Variants in SLITRK1 observed in about 807,000 individuals in gnomAD.
SLITRK1 encodes SLIT and NTRK like family member 1.
In SLITRK1, 10 loss-of-function variants were observed where a neutral mutation model predicts 42.4. That is an observed-to-expected ratio of 0.24 (90% CI 0.15 to 0.40). The LOEUF is 0.40. Among genes scored for constraint, SLITRK1 ranks in the 10% least tolerant of loss-of-function variants. SLITRK1 has a pLI of 1.00. For synonymous variants in SLITRK1, 389 were observed against 365.7 expected, an observed-to-expected ratio of 1.06 and a Z score of -0.73; for missense variants, 778 against 848.8, an observed-to-expected ratio of 0.92 and a Z score of 1.04.
Position 83,877,649 on chromosome 13 carries a change from G to A in SLITRK1, c.*1768C>T, listed in dbSNP as rs1425393366. On this transcript the variant is annotated 3_prime_UTR_variant, in exon 2 of 2. Coordinates refer to ENST00000674365, the MANE Select transcript of SLITRK1 (RefSeq NM_001281503.2). ...GATAATGATTAATTTCCATAAAGAT[G>A]AGTGCTTTAACAAATTTCAATATGC... 1 of 130,170 alleles carries A rather than the reference G, an allele frequency of 7.7e-6. No individual in the cohort carries two copies. Among genetic ancestry groups the A allele is most frequent in the Non-Finnish European group, 1.6e-5 (1 of 63,228 alleles). 8.1% of individuals were successfully genotyped at this position (130,170 alleles called of 1,614,324 possible).
In SLITRK1 at chr13:83,880,343, T is replaced by C. The variant is rs140899296; in HGVS notation, c.1165A>G (p.Ser389Gly). The C allele has an allele frequency of 2.5e-6, 4 of 1,614,024 alleles. No homozygotes were observed. Among genetic ancestry groups the C allele is most frequent in the Admixed American group, 3.3e-5 (2 of 60,016 alleles). Residue 389 changes from serine to glycine, a missense_variant, in exon 2 of 2, where the codon AGC (serine) becomes GGC (glycine). Around this residue, in one of 4 missense-constraint regions of SLITRK1, gnomAD observed 395 missense variants for 360.4 expected, o/e 1.10. Coordinates refer to ENST00000674365, the MANE Select transcript of SLITRK1 (RefSeq NM_001281503.2). ...ELFLRDNKIH[S>G]IRKSHFVDYK... Reference sequence around the variant, plus strand: ...TCCACAAAGTGCGATTTTCGGATGCTGTGGATCTTGTTATCTCGTAGGAAA... The same window carrying C: ...TCCACAAAGTGCGATTTTCGGATGCCGTGGATCTTGTTATCTCGTAGGAAA...
Position 83,879,061 on chromosome 13 carries a change from T to C in SLITRK1, c.*356A>G, listed in dbSNP as rs1176880201. The C allele has an allele frequency of 3.1e-5, 10 of 326,864 alleles. No individual in the cohort carries two copies. The highest frequency in any genetic ancestry group is 2.3e-4 in the South Asian group (8 of 34,116). The allele number at this position is 326,864 out of a possible 1,614,324, so 20.2% of individuals were successfully genotyped here. A position where few individuals can be genotyped will look rare whatever the true frequency, so the allele number is the denominator to read the frequency against. ...ATCTCTCTATATAGATGTGGATATATGTATATATGTATAGAACCGCGGCAT... is the reference window on the plus strand; with the variant it reads ...ATCTCTCTATATAGATGTGGATATACGTATATATGTATAGAACCGCGGCAT... On this transcript the variant is annotated 3_prime_UTR_variant, in exon 2 of 2. Transcript: ENST00000674365.
intron 1 of SLITRK1, chr13:83,881,788 A>T (rs1884821821): frequency 7.2e-6 from 3 of 414,100 alleles, no homozygotes; most frequent in South Asian, 8.9e-5. Flanking sequence ...AAAAAACCCC[A>T]CTCCCCCACA....
rs868341887 is a variant in SLITRK1, at chr13:83,880,668, G to A, written c.840C>T (p.Thr280=). Residue 280 remains threonine, a synonymous_variant, in exon 2 of 2, where the codon ACC becomes ACT. Transcript: ENST00000674365. ...GAGTTGGCAGGGGTCCAGGAGCAAA[G>A]GTCTCTTCTTGGGCAGGGGGCGCCG... is the stretch of plus-strand genomic sequence containing the variant. ...SLPAPPAQEE[T]FAPGPLPTPF... is the part of the protein sequence containing the mutation. 3.1e-6 allele frequency: 5 copies of A among 1,613,990 alleles called. No homozygotes were observed. In the African/African-American group the frequency reaches 6.7e-5, roughly 22 times the overall value.
chr13:83,880,971 G>T lies in SLITRK1; in HGVS notation c.537C>A (p.Ile179=). The change falls in exon 2 of 2, where the codon ATC becomes ATA. Residue 179 remains isoleucine (I), a synonymous_variant. Transcript: ENST00000674365. ...LPANVFQYVP[I]THLDLRGNRL... ...TGTTACCCCGGAGGTCGAGGTGGGTGATGGGCACATACTGGAACACGTTGG... is the reference window on the plus strand; with the variant it reads ...TGTTACCCCGGAGGTCGAGGTGGGTTATGGGCACATACTGGAACACGTTGG... The T allele has an allele frequency of 6.2e-7, 1 of 1,614,110 alleles. No homozygotes were observed. Among genetic ancestry groups the T allele is most frequent in the Non-Finnish European group, 8.5e-7 (1 of 1,180,028 alleles).
rs1884749717 is a variant in SLITRK1, at chr13:83,879,107, G to C, written c.*310C>G. On this transcript the variant is annotated 3_prime_UTR_variant, in exon 2 of 2. Transcript: ENST00000674365. ...GGCATCCAACCCCACAGGCCCCGGG[G>C]CCGAGGGCGAGGGCACTGTCAGTTC... 2.4e-6 allele frequency: 1 copy of C among 423,188 alleles called. No homozygotes were observed. The highest frequency in any genetic ancestry group is 4.4e-6 in the Non-Finnish European group (1 of 225,766). The allele number at this position is 423,188 out of a possible 1,614,324, so 26.2% of individuals were successfully genotyped here.
Position 83,881,069 on chromosome 13 carries a change from G to T in SLITRK1, c.439C>A (p.Pro147Thr). Residue 147 changes from proline to threonine, a missense_variant, in exon 2 of 2, where the codon CCG (proline) becomes ACG (threonine). Transcript: ENST00000674365. Reference sequence around the variant, plus strand: ...TTGTTCAAGTCCTGGAAGGCCCCCGGGTCTATATCTCGTAATAAATTAAAA... The same window carrying T: ...TTGTTCAAGTCCTGGAAGGCCCCCGTGTCTATATCTCGTAATAAATTAAAA... ...ADFNLLRDID[P>T]GAFQDLNKLE... 1 of 1,613,972 alleles carries T rather than the reference G, an allele frequency of 6.2e-7. No homozygotes were observed.
Position 83,880,271 on chromosome 13 carries a change from T to C in SLITRK1, c.1237A>G (p.Thr413Ala), listed in dbSNP as rs1163154809. 1.9e-6 allele frequency: 3 copies of C among 1,614,036 alleles called. No individual in the cohort carries two copies. Among genetic ancestry groups the C allele is most frequent in the Non-Finnish European group, 1.7e-6 (2 of 1,180,028 alleles). ...LLDLGNNNIA[T>A]VENNTFKNLL... is the part of the protein sequence containing the mutation. ...TTCTTGAAAGTGTTGTTCTCTACAG[T>C]AGCGATGTTATTGTTGCCCAGATCC... is the stretch of plus-strand genomic sequence containing the variant. The change falls in exon 2 of 2, where the codon ACT (threonine) becomes GCT (alanine). Residue 413 changes from threonine (T) to alanine (A), a missense_variant. Physicochemically the swap from Thr to Ala is moderately conservative, Grantham distance 58. Transcript: ENST00000674365.
In SLITRK1 at chr13:83,877,702, G is replaced by GGGGGGGGGGGGGGGT; in HGVS notation, c.*1714_*1715insACCCCCCCCCCCCCC. The GGGGGGGGGGGGGGGT allele has an allele frequency of 2.3e-5, 1 of 42,674 alleles. No individual in the cohort carries two copies. Among genetic ancestry groups the GGGGGGGGGGGGGGGT allele is most frequent in the African/African-American group, 9.2e-5 (1 of 10,878 alleles). The allele number at this position is 42,674 out of a possible 1,614,324, so 2.6% of individuals were successfully genotyped here. On this transcript the variant is annotated 3_prime_UTR_variant, in exon 2 of 2. Coordinates refer to ENST00000674365, the MANE Select transcript of SLITRK1 (RefSeq NM_001281503.2). ...TTGCTGGGGCGGGGAGGGTGGGTGGGCACTAATTAGTTTTACCGTTTTCAG... is the reference window on the plus strand; with the variant it reads ...TTGCTGGGGCGGGGAGGGTGGGTGGGGGGGGGGGGGGGGGTCACTAATTAGTTTTACCGTTTTCAG...
chr13:83,881,663 C>G, intron 1 of SLITRK1, 103 bp from the exon 2 acceptor site: 2 of 808,522 alleles, frequency 2.5e-6, no homozygotes, highest in Non-Finnish European at 3.9e-6. Context: ...ATTCCTTCCT[C>G]CCTAACCCCC....
chr13:83,879,116 G>T lies in SLITRK1; in HGVS notation c.*301C>A. On this transcript the variant is annotated 3_prime_UTR_variant, in exon 2 of 2. Coordinates refer to ENST00000674365, the MANE Select transcript of SLITRK1 (RefSeq NM_001281503.2). The stretch of plus-strand genomic sequence containing the variant: ...CCCCACAGGCCCCGGGGCCGAGGGC[G>T]AGGGCACTGTCAGTTCTTCCAGCAG... 1 of 433,946 alleles carries T rather than the reference G, an allele frequency of 2.3e-6. No homozygotes were observed. The allele number at this position is 433,946 out of a possible 1,614,324, so 26.9% of individuals were successfully genotyped here.
rs77908553 is a variant in SLITRK1 at position 83,879,537 on chromosome 13, G to C, written c.1971C>G (p.Ser657=). The C allele has an allele frequency of 3.8e-4, 621 of 1,614,056 alleles. 2 individuals are homozygous for C. In the African/African-American group the frequency reaches 6.9e-3, roughly 18 times the overall value. The change falls in exon 2 of 2, where the codon TCC becomes TCG. Residue 657 remains serine, a synonymous_variant. Coordinates refer to ENST00000674365, the MANE Select transcript of SLITRK1 (RefSeq NM_001281503.2). ...TCTGTAGGGAATTAATCTCGGACGC[G>C]GAGGAGTTGGCATCTCGTCTCTTGG... ...KRSKRRDANS[S]ASEINSLQTV...
Position 83,881,280 on chromosome 13 carries a change from A to G in SLITRK1, c.228T>C (p.Asn76=), listed in dbSNP as rs373908200. ...HGNSLTRLFP[N]EFANFYNAVS... is the part of the protein sequence containing the mutation. ...CCGCATTATAAAAGTTAGCGAACTC[A>G]TTAGGGAAAAGTCGAGTGAGGGAAT... Residue 76 remains asparagine (N), a synonymous_variant, in exon 2 of 2, where the codon AAT becomes AAC. Coordinates refer to ENST00000674365, the MANE Select transcript of SLITRK1 (RefSeq NM_001281503.2). The G allele has an allele frequency of 5.9e-5, 95 of 1,614,182 alleles. No homozygotes were observed. The Middle Eastern group carries it at 8.2e-4, about 14-fold the overall frequency.
rs1320985038 is a variant in SLITRK1 at position 83,879,352 on chromosome 13, G to A, written c.*65C>T. On this transcript the variant is annotated 3_prime_UTR_variant, in exon 2 of 2. Coordinates refer to ENST00000674365, the MANE Select transcript of SLITRK1 (RefSeq NM_001281503.2). ...TTGGGTACACGCCCCTCCAGCCCCC[G>A]GGGTGCCTGCGGTGGGGAAGGATGT... 18 of 1,596,026 alleles carry A rather than the reference G, an allele frequency of 1.1e-5. No homozygotes were observed. The highest frequency in any genetic ancestry group is 1.1e-4 in the East Asian group (5 of 44,732).
chr13:83,880,282 T>C lies in SLITRK1; in HGVS notation c.1226A>G (p.Asn409Ser). 1 of 1,614,058 alleles carries C rather than the reference T, an allele frequency of 6.2e-7. No individual in the cohort carries two copies. Among genetic ancestry groups the C allele is most frequent in the Non-Finnish European group, 8.5e-7 (1 of 1,180,028 alleles). Residue 409 changes from asparagine (N) to serine (S), a missense_variant, in exon 2 of 2, where the codon AAT becomes AGT. Around this residue, in one of 4 missense-constraint regions of SLITRK1, gnomAD observed 395 missense variants for 360.4 expected, o/e 1.10. Transcript: ENST00000674365. ...GTTGTTCTCTACAGTAGCGATGTTA[T>C]TGTTGCCCAGATCCAACAGAATGAG... Reference protein sequence around the residue: ...KNLILLDLGNNNIATVENNTF... With the variant: ...KNLILLDLGNSNIATVENNTF...
rs767288469 is a variant in SLITRK1 at position 83,877,601 on chromosome 13, A to T, written c.*1816T>A. ...TGGGCCACAACCAGAAATCCGGATG[A>T]TGGGAGAGAAACACTTCTTTAGGAT... On this transcript the variant is annotated 3_prime_UTR_variant, in exon 2 of 2. Transcript: ENST00000674365. The T allele has an allele frequency of 1.4e-5, 2 of 145,636 alleles. No homozygotes were observed. The highest frequency in any genetic ancestry group is 7.3e-5 in the Admixed American group (1 of 13,620). 9.0% of individuals were successfully genotyped at this position (145,636 alleles called of 1,614,324 possible). A position where few individuals can be genotyped will look rare whatever the true frequency, so the allele number is the denominator to read the frequency against.
chr13:83,880,305 G>A lies in SLITRK1; in HGVS notation c.1203C>T (p.Leu401=), dbSNP rs550166518. Residue 401 remains leucine, a synonymous_variant, in exon 2 of 2, where the codon CTC becomes CTT. Transcript: ENST00000674365. ...RKSHFVDYKN[L]ILLDLGNNNI... ...TATTGTTGCCCAGATCCAACAGAAT[G>A]AGGTTCTTGTAATCCACAAAGTGCG... 23 of 1,614,044 alleles carry A rather than the reference G, an allele frequency of 1.4e-5. No homozygotes were observed. The highest frequency in any genetic ancestry group is 1.2e-4 in the African/African-American group (9 of 75,008).
chr13:83,881,654 T>G, intron 1 of SLITRK1, 94 bp from the exon 2 acceptor site: 1 of 877,388 alleles, frequency 1.1e-6, no homozygotes. Flanking sequence ...TGGGGGTGGA[T>G]TCCTTCCTCC....
chr13:83,880,757 C>A lies in SLITRK1; in HGVS notation c.751G>T (p.Asp251Tyr). ...TCCTGTTCGGTGGTTTCATTGAGGTCTTTACCCTGCAGTCTGGTGGGGGCT... is the reference window on the plus strand; with the variant it reads ...TCCTGTTCGGTGGTTTCATTGAGGTATTTACCCTGCAGTCTGGTGGGGGCT... ...CEAPTRLQGKDLNETTEQDLC... is the reference protein window; with the variant it reads ...CEAPTRLQGKYLNETTEQDLC... Residue 251 changes from aspartate to tyrosine, a missense_variant, in exon 2 of 2, where the codon GAC becomes TAC. By Grantham distance (160) the Asp-to-Tyr change is radical (BLOSUM62 -3). Transcript: ENST00000674365. 3 of 1,614,120 alleles carry A rather than the reference C, an allele frequency of 1.9e-6. No individual in the cohort carries two copies. Among genetic ancestry groups the A allele is most frequent in the Non-Finnish European group, 2.5e-6 (3 of 1,180,012 alleles).
Sources: allele counts gnomAD v4.1 joint callset, GRCh38; gene constraint gnomAD v4.1.1; regional missense constraint gnomAD v4.1.1; transcripts MANE v1.5; gene names NCBI Gene and HGNC (gene_info 2026-07-23, HGNC 2026-07-21).